The following CCDC3 variants were observed in gnomAD, a reference collection of about 807,000 sequenced individuals.
CCDC3 encodes the protein coiled-coil domain-containing protein 3.
In CCDC3, 24 loss-of-function variants were observed where a neutral mutation model predicts 21.4. The ratio of observed to expected loss-of-function variants is 1.12; its 90% CI spans 0.81 to 1.58. The LOEUF is 1.58. Ranked by LOEUF, CCDC3 falls within the 40% of genes most tolerant of loss-of-function variation. The pLI is 0.00. For synonymous variants in CCDC3, 186 were observed against 166.0 expected (o/e 1.12, Z -0.93); for missense variants, 425 against 360.9 (o/e 1.18, Z -1.44).
At chr10:12,905,228 T>C (rs533278917) in intron 2 of CCDC3, among the ~76,000 whole-genome samples, 354 of 152,340 alleles carry the variant, frequency 2.3e-3, no homozygotes, top group Admixed American at 6.5e-3. Context: ...ATGGGCCACA[T>C]CTGGCCCCCT....
In CCDC3 at chr10:13,058,692, C is replaced by T. The variant is rs1836714100; in HGVS notation, c.-269-8751G>A. On this transcript the variant is annotated intron_variant, in intron 4 of 6. Transcript: ENST00000378839. ...CAAACCCCACCCTGTGGAACAGAGA[C>T]CTGCATCTGTGGCTCGACAGAGACC... is the stretch of plus-strand genomic sequence containing the variant. 2.4e-5 allele frequency: 10 copies of T among 415,694 alleles called. No individual in the cohort carries two copies. In the South Asian group the frequency reaches 3.8e-4, roughly 16 times the overall value. 25.8% of individuals were successfully genotyped at this position (415,694 alleles called of 1,614,324 possible).
At chr10:12,978,424 T>C (rs1383349664) in intron 2 of CCDC3, among the ~76,000 whole-genome samples, 1 of 152,236 alleles carries the variant, frequency 6.6e-6, no homozygotes, top group Non-Finnish European at 1.5e-5. Context: ...ACCCTCCTTT[T>C]ACACTTTAAC....
Position 13,059,943 on chromosome 10 carries a change from C to T in CCDC3, c.-269-10002G>A, listed in dbSNP as rs570274607. ...CTCTACTAAAAATACGAAACTTAGC[C>T]GGGCGTGATGGCGGGCTGTAATCCC... is the stretch of plus-strand genomic sequence containing the variant. On this transcript the variant is annotated intron_variant, in intron 4 of 6. Coordinates refer to the CCDC3 transcript ENST00000378839. 1.1e-3 allele frequency among the ~76,000 whole-genome samples: 162 copies of T among 152,002 alleles called. 2 individuals carry two copies. Among genetic ancestry groups the T allele is most frequent in the African/African-American group, 3.6e-3 (151 of 41,454 alleles).
intron 2 of CCDC3, among the ~76,000 whole-genome samples, chr10:12,898,981 C>G (rs985561501): frequency 6.6e-6 from 1 of 152,154 alleles, no homozygotes; most frequent in South Asian, 2.1e-4. Context: ...AGGAAAGAGC[C>G]CCGCTTTGGT....
chr10:12,998,855 T>C (rs1316573418), intron 1 of CCDC3, among the ~76,000 whole-genome samples: 2 of 152,238 alleles, frequency 1.3e-5, no homozygotes, highest in Non-Finnish European at 2.9e-5. Flanking sequence ...TCATCACCTA[T>C]GTTTAAGTTC....
intron 3 of CCDC3, among the ~76,000 whole-genome samples, chr10:13,074,437 C>T (rs540293167): frequency 6.7e-4 from 99 of 146,982 alleles, no homozygotes; most frequent in African/African-American, 2.4e-3. Context: ...CCGCCCACCT[C>T]GACCTCCCAA....
At chr10:12,913,544 C>T (rs1415625819) in intron 2 of CCDC3, among the ~76,000 whole-genome samples, 1 of 152,224 alleles carries the variant, frequency 6.6e-6, no homozygotes, top group Admixed American at 6.5e-5. Flanking sequence ...AATTTGACTT[C>T]TTCCTTTCCA....
chr10:13,018,272 T>G (rs1836095589), intron 5 of CCDC3, among the ~76,000 whole-genome samples: 1 of 152,024 alleles, frequency 6.6e-6, no homozygotes, highest in Non-Finnish European at 1.5e-5. Context: ...TGGAACAAAG[T>G]TCTTGGGGTG....
intron 5 of CCDC3, among the ~76,000 whole-genome samples, chr10:13,048,489 G>A (rs888839653): frequency 6.6e-6 from 1 of 152,062 alleles, no homozygotes; most frequent in African/African-American, 2.4e-5. Flanking sequence ...ACTGCACCTG[G>A]CCAGGGTCCC....
chr10:12,968,421 C>A (rs776635044), intron 2 of CCDC3, among the ~76,000 whole-genome samples: 17 of 152,164 alleles, frequency 1.1e-4, no homozygotes, highest in Non-Finnish European at 1.8e-4. Flanking sequence ...GAGAGAAAGA[C>A]TTTTCCCAAC....
intron 5 of CCDC3, among the ~76,000 whole-genome samples, chr10:13,016,557 A>G (rs900510614): frequency 6.6e-6 from 1 of 151,898 alleles, no homozygotes. Context: ...CAGGAAGCCG[A>G]TGTTATTTCA....
At chr10:13,000,549 T>C (rs1337923248) in intron 1 of CCDC3, among the ~76,000 whole-genome samples, 2 of 152,176 alleles carry the variant, frequency 1.3e-5, no homozygotes, top group Non-Finnish European at 2.9e-5. Context: ...AGTAAACCTT[T>C]GCTATTTCAA....
intron 2 of CCDC3, among the ~76,000 whole-genome samples, chr10:12,987,734 T>C (rs74119554): frequency 0.012 from 1,807 of 152,288 alleles, 46 homozygotes; most frequent in African/African-American, 0.041. Flanking sequence ...GCCAATACCC[T>C]GGGGGTGGTC....
intron 2 of CCDC3, among the ~76,000 whole-genome samples, chr10:12,970,212 T>C (rs149473037): frequency 6.6e-6 from 1 of 152,086 alleles, no homozygotes; most frequent in South Asian, 2.1e-4. Context: ...AGACGCAAAA[T>C]TTCAGTTACA....
chr10:13,041,949 G>A (rs1836463321), intron 5 of CCDC3, among the ~76,000 whole-genome samples: 1 of 152,146 alleles, frequency 6.6e-6, no homozygotes, highest in Admixed American at 6.5e-5. Flanking sequence ...CTTGATGGAG[G>A]CTCCCAGAAG....
At chr10:12,950,181 C>G (rs368529839) in intron 2 of CCDC3, among the ~76,000 whole-genome samples, 9 of 152,166 alleles carry the variant, frequency 5.9e-5, no homozygotes, top group African/African-American at 2.2e-4. Context: ...TTTTCTTGTC[C>G]CATCTCCTAT....
intron 5 of CCDC3, among the ~76,000 whole-genome samples, chr10:13,021,635 C>A (rs1836147005): frequency 6.6e-6 from 1 of 152,194 alleles, no homozygotes; most frequent in African/African-American, 2.4e-5. Flanking sequence ...TATCTCTTTT[C>A]TCTATTTTGT....
intron 3 of CCDC3, among the ~76,000 whole-genome samples, chr10:13,087,597 G>A (rs576900181): frequency 6.6e-5 from 10 of 152,084 alleles, no homozygotes; most frequent in Middle Eastern, 3.4e-3. Context: ...GCACAGAAGG[G>A]CTATGGAAGT....
upstream of CCDC3, among the ~76,000 whole-genome samples, chr10:13,005,317 C>A (rs1041995148): frequency 6.6e-6 from 1 of 152,314 alleles, no homozygotes; most frequent in East Asian, 1.9e-4. Flanking sequence ...GAAGAGGCAA[C>A]GTACCTTCAG....
Sources: gnomAD v4.1 joint callset for allele counts (sites outside exome capture counted in the v4.1 genomes callset) on GRCh38, gnomAD v4.1.1 for gene constraint, MANE v1.5 for transcripts, NCBI Gene and HGNC (gene_info 2026-07-23, HGNC 2026-07-21) for gene names.